CPXM1: variants seen among roughly 807,000 people sequenced by gnomAD.
CPXM1 encodes the protein carboxypeptidase X, M14 family member 1, also known as probable carboxypeptidase X1.
A neutral mutation model predicts 80.4 loss-of-function variants in CPXM1; 72 were observed. That is an observed-to-expected ratio of 0.90 (90% CI 0.74 to 1.09). CPXM1 has a LOEUF of 1.09. Among genes scored for constraint, CPXM1 ranks in the 50% least tolerant of loss-of-function variants. CPXM1 has a pLI of 0.00. For missense variants in CPXM1, 892 were observed against 999.4 expected (o/e 0.89, Z 1.45); for synonymous variants, 403 against 405.6 (o/e 0.99, Z 0.08).
Position 2,800,383 on chromosome 20 carries a change from G to A in CPXM1, c.172+18C>T, listed in dbSNP as rs746697643. On this transcript the variant is annotated intron_variant, in intron 1 of 13. Coordinates refer to ENST00000380605, the MANE Select transcript of CPXM1 (RefSeq NM_019609.5). ...CAGTCGGCTTGCGGGGGAGCGGACC[G>A]TCGGTCGGGGAACTCACCGTTAGCT... 1 of 1,504,222 alleles carries A rather than the reference G, an allele frequency of 6.6e-7. No individual in the cohort carries two copies. The highest frequency in any genetic ancestry group is 8.8e-7 in the Non-Finnish European group (1 of 1,135,090). 93.2% of individuals were successfully genotyped at this position (1,504,222 alleles called of 1,614,324 possible).
intron 1 of CPXM1, among the ~76,000 whole-genome samples, chr20:2,800,109 TGA>T (rs1445345098): frequency 1.3e-5 from 2 of 148,298 alleles, no homozygotes; most frequent in Non-Finnish European, 3.0e-5. Flanking sequence ...ACTGTGAGTG[TGA>T]GTGTGCGCGC....
In CPXM1 at chr20:2,796,436, A is replaced by G. The variant is rs774081235; in HGVS notation, c.1053T>C (p.Pro351=). The change falls in exon 9 of 14, where the codon CCT becomes CCC. Residue 351 remains proline, a synonymous_variant. Transcript: ENST00000380605. This position sits in a 1 kb window ranked among gnomAD's most constrained non-coding sequence, Gnocchi z 6.8. ...GCATGCCAGCCACGTAGCGCACCTC[A>G]GGCTCCCCTGGGGACACATGGGGGC... ...DKPGEHELGE[P]EVRYVAGMHG... The G allele has an allele frequency of 3.1e-6, 5 of 1,613,876 alleles. No homozygotes were observed. Among genetic ancestry groups the G allele is most frequent in the Non-Finnish European group, 3.4e-6 (4 of 1,179,890 alleles).
Position 2,794,221 on chromosome 20 carries a change from C to A in CPXM1, c.2174G>T (p.Arg725Leu). ...GAKVPPDLRRRLERLRGQKD is the reference protein window; with the variant it reads ...GAKVPPDLRRLLERLRGQKD The stretch of plus-strand genomic sequence containing the variant: ...CTTCTGTCCCCTTAGCCGCTCCAGG[C>A]GCCTGCGAAGGTCCGGGGGCACCTT... Residue 725 changes from arginine to leucine, a missense_variant, in exon 14 of 14, where the codon CGC becomes CTC. Coordinates refer to ENST00000380605, the MANE Select transcript of CPXM1 (RefSeq NM_019609.5). The surrounding 1 kb of genome is among the most constrained non-coding windows in gnomAD (Gnocchi z 5.2). 6.2e-7 allele frequency: 1 copy of A among 1,613,530 alleles called. No individual in the cohort carries two copies.
In CPXM1 at chr20:2,800,463, A is replaced by C. The variant is rs1418369782; in HGVS notation, c.110T>G (p.Val37Gly). 6.8e-7 allele frequency: 1 copy of C among 1,478,178 alleles called. No individual in the cohort carries two copies. Among genetic ancestry groups the C allele is most frequent in the African/African-American group, 1.5e-5 (1 of 68,344 alleles). The allele number at this position is 1,478,178 out of a possible 1,614,324, so 91.6% of individuals were successfully genotyped here. Residue 37 changes from valine to glycine, a missense_variant, in exon 1 of 14, where the codon GTC (valine) becomes GGC (glycine). Val to Gly is a moderately radical substitution (Grantham distance 109, BLOSUM62 -3). Around this residue, in one of 2 missense-constraint regions of CPXM1, gnomAD observed 874 missense variants for 958.4 expected, o/e 0.91. Transcript: ENST00000380605. The stretch of plus-strand genomic sequence containing the variant: ...ATGCAGGGCCGGGGTCGAGCCTGGG[A>C]CCTTGGTGGTCCCGGGCTGCGCGAG... ...LGLAQPGTTK[V>G]PGSTPALHSS...
chr20:2,798,208 A>T lies in CPXM1; in HGVS notation c.534T>A (p.Ala178=), dbSNP rs2146561785. Residue 178 remains alanine (A), a synonymous_variant, in exon 4 of 14, where the codon GCT becomes GCA. Coordinates refer to ENST00000380605, the MANE Select transcript of CPXM1 (RefSeq NM_019609.5). ...CACCCGAGAAGCGGGTGGGGTGCCC[A>T]GCGTCCACCTGAAACCATGGATCGG... is the stretch of plus-strand genomic sequence containing the variant. The part of the protein sequence containing the change: ...QDADPWFQVD[A]GHPTRFSGVI... The T allele has an allele frequency of 6.2e-7, 1 of 1,614,004 alleles. No individual in the cohort carries two copies. The highest frequency in any genetic ancestry group is 1.3e-5 in the African/African-American group (1 of 75,046).
chr20:2,795,816 C>T lies in CPXM1; in HGVS notation c.1503G>A (p.Glu501=). 1 of 1,612,006 alleles carries T rather than the reference C, an allele frequency of 6.2e-7. No individual in the cohort carries two copies. The highest frequency in any genetic ancestry group is 1.1e-5 in the South Asian group (1 of 91,090). ...TGTCGAATGGGTAGGACACCACGAG[C>T]TCACCCCCGTGGAGGTTGGCACTTA... ...FVLSANLHGG[E]LVVSYPFDMT... Residue 501 remains glutamate (E), a synonymous_variant, in exon 11 of 14, where the codon GAG becomes GAA. Transcript: ENST00000380605. This position sits in a 1 kb window ranked among gnomAD's most constrained non-coding sequence, Gnocchi z 5.4.
At position 2,795,564 on chromosome 20, in the gene CPXM1, C is replaced by T. The variant is rs115394567; in HGVS notation, c.1720+35G>A. On this transcript the variant is annotated intron_variant, in intron 11 of 13. Transcript: ENST00000380605. This position sits in a 1 kb window ranked among gnomAD's most constrained non-coding sequence, Gnocchi z 5.4. ...GGCTGTCTTATCAGGGCGGGGGTTA[C>T]GGGGCCAGGGCTAACTCCACCCTCA... 1,396 of 1,601,684 alleles carry T rather than the reference C, an allele frequency of 8.7e-4. 10 individuals are homozygous for T. The African/African-American group carries it at 0.015, about 17-fold the overall frequency.
intron 1 of CPXM1, among the ~76,000 whole-genome samples, chr20:2,799,757 C>A (rs746825202): frequency 5.3e-5 from 8 of 152,220 alleles, no homozygotes; most frequent in Non-Finnish European, 8.8e-5. Context: ...GGTCGGGCTG[C>A]CTTCCTCTCC....
In CPXM1 at chr20:2,796,459, G is replaced by T. The variant is rs765395063; in HGVS notation, c.1046-16C>A. ...TCAGGCTCCCCTGGGGACACATGGG[G>T]GCTTGCAGCGGGTTCATGCCTGGGG... On this transcript the variant is annotated splice_polypyrimidine_tract_variant and intron_variant, in intron 8 of 13. Transcript: ENST00000380605. The surrounding 1 kb of genome is among the most constrained non-coding windows in gnomAD (Gnocchi z 6.8). 5.6e-6 allele frequency: 9 copies of T among 1,613,480 alleles called. No homozygotes were observed. Among genetic ancestry groups the T allele is most frequent in the Middle Eastern group, 3.3e-4 (2 of 6,082 alleles).
chr20:2,796,692 T>C lies in CPXM1; in HGVS notation c.922-42A>G, dbSNP rs1222651974. On this transcript the variant is annotated intron_variant, in intron 7 of 13. Coordinates refer to ENST00000380605, the MANE Select transcript of CPXM1 (RefSeq NM_019609.5). This position sits in a 1 kb window ranked among gnomAD's most constrained non-coding sequence, Gnocchi z 6.8. The stretch of plus-strand genomic sequence containing the variant: ...AGCGTGGCATGAGGCATGGGAGGGG[T>C]ACACCCAGGGGCAGATCACATGTGC... 5 of 1,609,476 alleles carry C rather than the reference T, an allele frequency of 3.1e-6. No individual in the cohort carries two copies. The African/African-American group carries it at 6.7e-5, about 22-fold the overall frequency.
In CPXM1 at chr20:2,796,084, G is replaced by A. The variant is rs770115544; in HGVS notation, c.1320C>T (p.Leu440=). ...SIDLNHNFAD[L]NTPLWEAQDD... is the part of the protein sequence containing the mutation. ...CCTGTGCTTCCCACAGTGGTGTGTT[G>A]AGGTCAGCAAAATTATGGTTAAGAT... Residue 440 remains leucine, a synonymous_variant, in exon 10 of 14, where the codon CTC becomes CTT. Transcript: ENST00000380605. This position sits in a 1 kb window ranked among gnomAD's most constrained non-coding sequence, Gnocchi z 6.8. 6.2e-7 allele frequency: 1 copy of A among 1,614,078 alleles called. No individual in the cohort carries two copies. Among genetic ancestry groups the A allele is most frequent in the Non-Finnish European group, 8.5e-7 (1 of 1,179,986 alleles).
rs768695193 is a variant in CPXM1 at position 2,795,726 on chromosome 20, C to T, written c.1593G>A (p.Trp531Ter). ...TACTGCCAGCATAGACAGTGCTGAG[C>T]CAGCGAAACACAGCATCATCTGGTG... ...TPTPDDAVFRWLSTVYAGSNL... is the reference protein window; with the variant it reads ...TPTPDDAVFR Residue 531 changes from tryptophan to a stop codon, truncating the protein, a stop_gained, in exon 11 of 14, where the codon TGG (tryptophan) becomes TGA (stop). Coordinates refer to ENST00000380605, the MANE Select transcript of CPXM1 (RefSeq NM_019609.5). LOFTEE classifies it high-confidence loss of function. The surrounding 1 kb of genome is among the most constrained non-coding windows in gnomAD (Gnocchi z 5.4). 9.3e-6 allele frequency: 15 copies of T among 1,613,792 alleles called. No individual in the cohort carries two copies. Among genetic ancestry groups the T allele is most frequent in the African/African-American group, 8.0e-5 (6 of 74,914 alleles).
intron 1 of CPXM1, among the ~76,000 whole-genome samples, 143 bp downstream of exon 1, chr20:2,800,248 CGTGAGTGCGA>C (rs2088555972): frequency 6.6e-6 from 1 of 151,712 alleles, no homozygotes; most frequent in African/African-American, 2.4e-5. Flanking sequence ...CGTGTGTGCG[CGTGAGTGCGA>C]GTGTGCGTGC....
intron 1 of CPXM1, 109 bp downstream of exon 1, chr20:2,800,292 G>T: frequency 1.0e-6 from 1 of 973,318 alleles, no homozygotes; most frequent in Non-Finnish European, 1.4e-6. Context: ...ATGACTGTGA[G>T]TGTGCGTGGG....
At chr20:2,799,451 G>C (rs2088544768) in intron 1 of CPXM1, among the ~76,000 whole-genome samples, 1 of 152,188 alleles carries the variant, frequency 6.6e-6, no homozygotes, top group South Asian at 2.1e-4. Context: ...GAGGCTTTCA[G>C]GGCTGGGCCT....
Position 2,795,693 on chromosome 20 carries a change from G to A in CPXM1, c.1626C>T (p.Ala542=). The A allele has an allele frequency of 6.2e-7, 1 of 1,614,028 alleles. No homozygotes were observed. Among genetic ancestry groups the A allele is most frequent in the South Asian group, 1.1e-5 (1 of 91,080 alleles). ...AGGGTCGGCGGCTGGTGTCCTGCAT[G>A]GCCAGATTACTGCCAGCATAGACAG... is the stretch of plus-strand genomic sequence containing the variant. ...LSTVYAGSNL[A]MQDTSRRPCH... is the part of the protein sequence containing the mutation. The change falls in exon 11 of 14, where the codon GCC becomes GCT. Residue 542 remains alanine, a synonymous_variant. Coordinates refer to ENST00000380605, the MANE Select transcript of CPXM1 (RefSeq NM_019609.5). This position sits in a 1 kb window ranked among gnomAD's most constrained non-coding sequence, Gnocchi z 5.4.
At chr20:2,798,996 C>T (rs1037408478) in intron 1 of CPXM1, 103 bp from the exon 2 acceptor site, 44 of 1,200,382 alleles carry the variant, frequency 3.7e-5, no homozygotes, top group Non-Finnish European at 4.6e-5. Context: ...CAGCAGGCCA[C>T]ACCACCAGGA....
chr20:2,795,598 C>T lies in CPXM1; in HGVS notation c.1720+1G>A. On this transcript the variant is annotated splice_donor_variant, in intron 11 of 13. Coordinates refer to ENST00000380605, the MANE Select transcript of CPXM1 (RefSeq NM_019609.5). LOFTEE classifies it high-confidence loss of function. The surrounding 1 kb of genome is among the most constrained non-coding windows in gnomAD (Gnocchi z 5.4). The stretch of plus-strand genomic sequence containing the variant: ...GGCTAACTCCACCCTCAGGCACATA[C>T]TCCCGGGGACCGTGTGCCAGTCAGC... 1.9e-6 allele frequency: 3 copies of T among 1,612,034 alleles called. No individual in the cohort carries two copies. The highest frequency in any genetic ancestry group is 1.7e-6 in the Non-Finnish European group (2 of 1,178,354).
rs747428139 is a variant in CPXM1 at position 2,795,451 on chromosome 20, C to A, written c.1721-35G>T. ...CCACAGACACTGCTGCCTAAGCAGGCGGGATGCGGTCCCATCCTCCCGCTA... is the reference window on the plus strand; with the variant it reads ...CCACAGACACTGCTGCCTAAGCAGGAGGGATGCGGTCCCATCCTCCCGCTA... On this transcript the variant is annotated intron_variant, in intron 11 of 13. Coordinates refer to ENST00000380605, the MANE Select transcript of CPXM1 (RefSeq NM_019609.5). This position sits in a 1 kb window ranked among gnomAD's most constrained non-coding sequence, Gnocchi z 5.4. 2 of 1,606,224 alleles carry A rather than the reference C, an allele frequency of 1.2e-6. No homozygotes were observed. Among genetic ancestry groups the A allele is most frequent in the Non-Finnish European group, 1.7e-6 (2 of 1,174,248 alleles).
Sources: gnomAD v4.1 joint callset for allele counts (sites outside exome capture counted in the v4.1 genomes callset) on GRCh38, gnomAD v4.1.1 for gene constraint, gnomAD v4.1.1 regional missense constraint, Gnocchi (gnomAD v3.1) non-coding constraint, MANE v1.5 for transcripts, NCBI Gene and HGNC (gene_info 2026-07-23, HGNC 2026-07-21) for gene names.